Variants in NUDT3 observed in about 807,000 individuals in gnomAD.
NUDT3 encodes diphosphoinositol polyphosphate phosphohydrolase 1.
In NUDT3, 9 loss-of-function variants were observed where a neutral mutation model predicts 23.6. The ratio of observed to expected loss-of-function variants is 0.38; its 90% confidence interval spans 0.23 to 0.66. The LOEUF is 0.66. Among genes scored for constraint, NUDT3 ranks in the 30% least tolerant of loss-of-function variants. NUDT3 has a pLI of 0.52. For synonymous variants in NUDT3, 86 were observed against 82.6 expected, an observed-to-expected ratio of 1.04 and a Z score of -0.22; for missense variants, 172 against 218.5, an observed-to-expected ratio of 0.79 and a Z score of 1.34.
Position 34,281,422 on chromosome 6 carries a change from A to C in NUDT3, c.*7331T>G, listed in dbSNP as rs1470739969. The C allele has an allele frequency of 6.6e-6, 1 of 152,238 alleles. No homozygotes were observed. Among genetic ancestry groups the C allele is most frequent in the Admixed American group, 6.5e-5 (1 of 15,272 alleles). The allele number at this position is 152,238 out of a possible 1,614,324, so 9.4% of individuals were successfully genotyped here. On this transcript the variant is annotated 3_prime_UTR_variant, in exon 5 of 5. Transcript: ENST00000607016. ...TCAATTCCATTTTACAACAGTTCTC[A>C]ACAACCTGAAATATTCTTGACTTCC...
At chr6:34,377,683 A>C (rs1183656926) in intron 1 of NUDT3, among the ~76,000 whole-genome samples, 1 of 152,004 alleles carries the variant, frequency 6.6e-6, no homozygotes, top group African/African-American at 2.4e-5. Context: ...AAATACAAAA[A>C]TTGGCCAGGT....
chr6:34,304,548 G>A (rs1481305433), intron 2 of NUDT3, among the ~76,000 whole-genome samples: 1 of 152,046 alleles, frequency 6.6e-6, no homozygotes, highest in Non-Finnish European at 1.5e-5. Context: ...TAAAATTTTA[G>A]TAAAATTAAT....
At chr6:34,334,050 G>T (rs1403598798) in intron 2 of NUDT3, among the ~76,000 whole-genome samples, 1 of 152,212 alleles carries the variant, frequency 6.6e-6, no homozygotes, top group African/African-American at 2.4e-5. Context: ...GCGTGACCAG[G>T]CTCCTTGAGC....
At chr6:34,295,986 T>C (rs1160966778) in intron 2 of NUDT3, among the ~76,000 whole-genome samples, 2 of 152,172 alleles carry the variant, frequency 1.3e-5, no homozygotes, top group Non-Finnish European at 2.9e-5. Context: ...CCAAAAATAT[T>C]CTGAGGTATT....
Position 34,299,592 on chromosome 6 carries a change from T to A in NUDT3, c.211-3907A>T, listed in dbSNP as rs547737215. 1.2e-4 allele frequency among the ~76,000 whole-genome samples: 17 copies of A among 144,616 alleles called. 1 individual carries two copies. In the East Asian group the frequency reaches 3.6e-3, roughly 30 times the overall value. 94.9% of individuals were successfully genotyped at this position (144,616 alleles called of 152,430 possible). On this transcript the variant is annotated intron_variant, in intron 2 of 4. Transcript: ENST00000607016. ...GGCATGTGCCACCAAGACCGGGTAT[T>A]TTCTTGAATTTTTTTTTTTTTTTTT...
chr6:34,372,373 G>A (rs1012516451), intron 1 of NUDT3, among the ~76,000 whole-genome samples: 1 of 152,130 alleles, frequency 6.6e-6, no homozygotes, highest in African/African-American at 2.4e-5. Context: ...GCATAAAAGT[G>A]TTCCTATTTC....
At position 34,285,341 on chromosome 6, in the gene NUDT3, A is replaced by G. The variant is rs1052851592; in HGVS notation, c.*3412T>C. On this transcript the variant is annotated 3_prime_UTR_variant, in exon 5 of 5. Transcript: ENST00000607016. Reference sequence around the variant, plus strand: ...ACACACACCCAGAGAGAAGACAGAGAGAAAATCCTGGTCCAAAAGATCACA... The same window carrying G: ...ACACACACCCAGAGAGAAGACAGAGGGAAAATCCTGGTCCAAAAGATCACA... The G allele has an allele frequency of 1.3e-5, 2 of 152,208 alleles. No homozygotes were observed. The highest frequency in any genetic ancestry group is 4.8e-5 in the African/African-American group (2 of 41,452). 9.4% of individuals were successfully genotyped at this position (152,208 alleles called of 1,614,324 possible).
At chr6:34,365,587 T>G (rs1015357150) in intron 1 of NUDT3, among the ~76,000 whole-genome samples, 2 of 152,176 alleles carry the variant, frequency 1.3e-5, no homozygotes, top group African/African-American at 4.8e-5. Flanking sequence ...TGATTCCACT[T>G]ATGAGATACC....
chr6:34,303,004 C>G (rs1348419724), intron 2 of NUDT3, among the ~76,000 whole-genome samples: 3 of 151,634 alleles, frequency 2.0e-5, no homozygotes, highest in Non-Finnish European at 4.4e-5. Flanking sequence ...CTCTGCTCTT[C>G]TTTAACAAAA....
At chr6:34,347,300 G>A (rs1764389315) in intron 1 of NUDT3, among the ~76,000 whole-genome samples, 1 of 152,234 alleles carries the variant, frequency 6.6e-6, no homozygotes, top group Non-Finnish European at 1.5e-5. Flanking sequence ...AGGAACTGGA[G>A]AGGAAGAGAT....
chr6:34,291,421 C>T (rs1035442066), intron 4 of NUDT3, among the ~76,000 whole-genome samples: 6 of 152,076 alleles, frequency 3.9e-5, no homozygotes, highest in Non-Finnish European at 7.4e-5. Flanking sequence ...TACAGAAAGG[C>T]GACACTGATC....
At chr6:34,370,112 AC>A (rs1764803050) in intron 1 of NUDT3, among the ~76,000 whole-genome samples, 1 of 152,200 alleles carries the variant, frequency 6.6e-6, no homozygotes, top group Non-Finnish European at 1.5e-5. Context: ...CAAAATCCAA[AC>A]AGATTATCCA....
intron 4 of NUDT3, among the ~76,000 whole-genome samples, chr6:34,290,358 A>G (rs1763401302): frequency 1.3e-5 from 2 of 148,754 alleles, no homozygotes; most frequent in Admixed American, 6.7e-5. Context: ...CCAGCCTTCC[A>G]AGTAGCTAGG....
rs185284739 is a variant in NUDT3 at position 34,292,525 on chromosome 6, T to C, written c.340+926A>G. 2.4e-3 allele frequency among the ~76,000 whole-genome samples: 369 copies of C among 152,278 alleles called. 1 individual carries two copies. Among genetic ancestry groups the C allele is most frequent in the Admixed American group, 4.6e-3 (71 of 15,300 alleles). On this transcript the variant is annotated intron_variant, in intron 4 of 4. Coordinates refer to ENST00000607016, the MANE Select transcript of NUDT3 (RefSeq NM_006703.4). ...AGAAAATGGCTCCTTTGGGAGAAAG[T>C]TGGGTGTACCTAAAGGGTACACACA...
At chr6:34,290,856 G>A (rs555680822) in intron 4 of NUDT3, among the ~76,000 whole-genome samples, 2 of 151,264 alleles carry the variant, frequency 1.3e-5, no homozygotes, top group Non-Finnish European at 2.9e-5. Context: ...GTACAGCGAT[G>A]TGATCCCGGC....
intron 2 of NUDT3, among the ~76,000 whole-genome samples, chr6:34,297,776 T>A (rs1244336813): frequency 6.6e-5 from 9 of 135,602 alleles, no homozygotes; most frequent in Non-Finnish European, 1.1e-4. Flanking sequence ...TTTTTTTTTT[T>A]AGTAGAGACG....
intron 1 of NUDT3, among the ~76,000 whole-genome samples, chr6:34,358,853 A>G (rs1764603327): frequency 6.6e-6 from 1 of 152,240 alleles, no homozygotes; most frequent in African/African-American, 2.4e-5. Context: ...TGGACCAGGA[A>G]TAATACAGTA....
chr6:34,339,138 A>G (rs1005654790), intron 2 of NUDT3, among the ~76,000 whole-genome samples: 1 of 152,204 alleles, frequency 6.6e-6, no homozygotes, highest in African/African-American at 2.4e-5. Context: ...CTTTGTCTAA[A>G]TGTGTGCCAC....
At chr6:34,360,392 G>A (rs915594276) in intron 1 of NUDT3, among the ~76,000 whole-genome samples, 5 of 151,910 alleles carry the variant, frequency 3.3e-5, no homozygotes, top group Non-Finnish European at 7.4e-5. Context: ...TGGCCAACAT[G>A]GTGAAACCCT....
Sources: allele counts gnomAD v4.1 joint callset (sites outside exome capture counted in the v4.1 genomes callset), GRCh38; gene constraint gnomAD v4.1.1; transcripts MANE v1.5; gene names NCBI Gene and HGNC (gene_info 2026-07-23, HGNC 2026-07-21).